Variants in NCOA2 observed in about 807,000 individuals in gnomAD.
The protein encoded by NCOA2 is class E basic helix-loop-helix protein 75.
Under a neutral mutation model 145.1 loss-of-function variants are expected in NCOA2, and 21 were observed. The observed-to-expected ratio is 0.14, with a 90% CI of 0.10 to 0.21. NCOA2 has a LOEUF of 0.21. Among genes scored for constraint, NCOA2 ranks in the 10% least tolerant of loss-of-function variants. The pLI, the probability that NCOA2 is intolerant of heterozygous loss-of-function variation, is 1.00. For synonymous variants in NCOA2, 619 were observed against 637.5 expected, an observed-to-expected ratio of 0.97 and a Z score of 0.44; for missense variants, 1,472 against 1,837.6, an observed-to-expected ratio of 0.80 and a Z score of 3.64.
At chr8:70,135,305 T>C (rs574218301) in intron 15 of NCOA2, among the ~76,000 whole-genome samples, 44 of 152,304 alleles carry the variant, frequency 2.9e-4, no homozygotes, top group South Asian at 1.0e-3. Context: ...CTATGCTGAA[T>C]TGATACTAAC....
At chr8:70,224,595 A>G (rs961624088) in intron 2 of NCOA2, among the ~76,000 whole-genome samples, 2 of 152,068 alleles carry the variant, frequency 1.3e-5, no homozygotes, top group Non-Finnish European at 2.9e-5. Flanking sequence ...AGATTTCTTA[A>G]AAGTGCTTAT....
chr8:70,160,968 G>C (rs773537297), intron 9 of NCOA2, among the ~76,000 whole-genome samples: 4 of 152,116 alleles, frequency 2.6e-5, no homozygotes, highest in Admixed American at 2.6e-4. Flanking sequence ...TATAATTTCA[G>C]AATTTTACCT....
In NCOA2 at chr8:70,338,675, G is replaced by A. The variant is rs113393729; in HGVS notation, c.-76-41875C>T. Among the ~76,000 whole-genome samples, 481 of 152,240 alleles carry A rather than the reference G, an allele frequency of 3.2e-3. 4 individuals carry two copies. The highest frequency in any genetic ancestry group is 0.011 in the African/African-American group (452 of 41,528). On this transcript the variant is annotated intron_variant, in intron 1 of 22. Transcript: ENST00000452400. ...GCCAGTATCCTTGATGAAGAGTGAT[G>A]CAAAAACCCTCAATAAAATACTGGC... is the stretch of plus-strand genomic sequence containing the variant.
At chr8:70,244,823 A>G (rs1194176667) in intron 2 of NCOA2, among the ~76,000 whole-genome samples, 2 of 152,086 alleles carry the variant, frequency 1.3e-5, no homozygotes, top group East Asian at 1.9e-4. Flanking sequence ...CACAAACACA[A>G]AAGAAATAAG....
At chr8:70,405,213 G>A (rs1421537136), upstream of NCOA2, among the ~76,000 whole-genome samples, 1 of 152,042 alleles carries the variant, frequency 6.6e-6, no homozygotes, top group African/African-American at 2.4e-5. Flanking sequence ...TAAAATTTGT[G>A]GGTGTACCGC....
intron 1 of NCOA2, among the ~76,000 whole-genome samples, chr8:70,309,594 C>G (rs951388060): frequency 6.6e-6 from 1 of 151,926 alleles, no homozygotes. Flanking sequence ...TACAAGAAAA[C>G]ATTATGTATC....
At chr8:70,187,863 TA>T (rs1430356897) in intron 4 of NCOA2, among the ~76,000 whole-genome samples, 1 of 152,246 alleles carries the variant, frequency 6.6e-6, no homozygotes, top group Non-Finnish European at 1.5e-5. Flanking sequence ...TTATCCTACA[TA>T]AGCTTCTAGA....
At chr8:70,196,022 CAGT>C (rs1327108701) in intron 4 of NCOA2, among the ~76,000 whole-genome samples, 1 of 152,116 alleles carries the variant, frequency 6.6e-6, no homozygotes, top group Non-Finnish European at 1.5e-5. Flanking sequence ...TACAGAGCAG[CAGT>C]ATTCAGATAG....
intron 2 of NCOA2, among the ~76,000 whole-genome samples, chr8:70,240,651 G>A (rs1355966359): frequency 6.6e-6 from 1 of 152,174 alleles, no homozygotes; most frequent in South Asian, 2.1e-4. Flanking sequence ...TGTTAAGGCA[G>A]GAGTTACATT....
At chr8:70,236,837 G>T (rs895503135) in intron 2 of NCOA2, among the ~76,000 whole-genome samples, 2 of 152,108 alleles carry the variant, frequency 1.3e-5, no homozygotes, top group African/African-American at 4.8e-5. Context: ...TTCATATAAG[G>T]GACTTGAGCA....
At chr8:70,451,973 T>G in the NCOA2 span, among the ~76,000 whole-genome samples, 1 of 152,056 alleles carries the variant, frequency 6.6e-6, no homozygotes, top group Non-Finnish European at 1.5e-5. Flanking sequence ...GTTTGTTTGT[T>G]TGTTTGTTTG....
chr8:70,125,779 A>C (rs1230840303), intron 19 of NCOA2, among the ~76,000 whole-genome samples: 1 of 152,188 alleles, frequency 6.6e-6, no homozygotes, highest in Non-Finnish European at 1.5e-5. Flanking sequence ...AAAAAAATTC[A>C]ATGTATGCTT....
At chr8:70,405,445 T>TG (rs1352090162), upstream of NCOA2, among the ~76,000 whole-genome samples, 56 of 119,528 alleles carry the variant, frequency 4.7e-4, no homozygotes, top group Non-Finnish European at 7.5e-4. Flanking sequence ...AGGTTTTTTT[T>TG]TTTTTTTTTT....
intron 5 of NCOA2, among the ~76,000 whole-genome samples, chr8:70,171,975 C>T (rs983951934): frequency 3.3e-5 from 5 of 152,182 alleles, no homozygotes; most frequent in African/African-American, 1.2e-4. Context: ...AGGCATGTAC[C>T]ATTACAAACT....
At chr8:70,220,506 A>G (rs1265147067) in intron 2 of NCOA2, among the ~76,000 whole-genome samples, 2 of 152,250 alleles carry the variant, frequency 1.3e-5, no homozygotes, top group Non-Finnish European at 2.9e-5. Context: ...ACATCCCTTG[A>G]TATCAGCTTG....
At chr8:70,142,674 G>A in intron 13 of NCOA2, among the ~76,000 whole-genome samples, 1 of 152,204 alleles carries the variant, frequency 6.6e-6, no homozygotes, top group East Asian at 1.9e-4. Flanking sequence ...ACTCCAGCCT[G>A]GGTGACAAAG....
At position 70,128,760 on chromosome 8, in the gene NCOA2, A is replaced by T; in HGVS notation, c.3545T>A (p.Val1182Glu). The change falls in exon 17 of 23, where the codon GTG becomes GAG. Residue 1182 changes from valine (V) to glutamate (E), a missense_variant. By Grantham distance (121) the Val-to-Glu change is moderately radical. Coordinates refer to ENST00000452400, the MANE Select transcript of NCOA2 (RefSeq NM_006540.4). ...TCTTAGTTGATTTGGCTGGTTCTGC[A>T]CTAGGCCCGTGGGCCTGAGGCCCGG... Reference protein sequence around the residue: ...PRPGLRPTGLVQNQPNQLRLQ... With the variant: ...PRPGLRPTGLEQNQPNQLRLQ... The T allele has an allele frequency of 6.2e-7, 1 of 1,614,070 alleles. No homozygotes were observed. The highest frequency in any genetic ancestry group is 8.5e-7 in the Non-Finnish European group (1 of 1,179,908).
intron 2 of NCOA2, among the ~76,000 whole-genome samples, chr8:70,270,556 G>T (rs147096964): frequency 6.6e-6 from 1 of 152,056 alleles, no homozygotes; most frequent in Non-Finnish European, 1.5e-5. Flanking sequence ...TGCTGTAGTC[G>T]GGGTGGCTGG....
At chr8:70,389,000 T>G (rs1312611433) in intron 1 of NCOA2, among the ~76,000 whole-genome samples, 1 of 152,220 alleles carries the variant, frequency 6.6e-6, no homozygotes, top group East Asian at 1.9e-4. Flanking sequence ...AGTGACTACT[T>G]TTAAAATTGG....
Sources: gnomAD v4.1 joint callset for allele counts (sites outside exome capture counted in the v4.1 genomes callset) on GRCh38, gnomAD v4.1.1 for gene constraint, MANE v1.5 for transcripts, NCBI Gene and HGNC (gene_info 2026-07-23, HGNC 2026-07-21) for gene names.